FADS6: variants seen among roughly 807,000 people sequenced by gnomAD.
FADS6 encodes the protein fatty acid desaturase 6, also known as fatty acid desaturase domain family, member 6.
Under a neutral mutation model 31.7 loss-of-function variants are expected in FADS6, and 28 were observed. The ratio of observed to expected loss-of-function variants is 0.88; its 90% CI spans 0.66 to 1.21. FADS6 has a LOEUF of 1.21. Among genes scored for constraint, FADS6 ranks in the 50% most tolerant of loss-of-function variants. The pLI is 0.00. For synonymous variants in FADS6, 191 were observed against 213.1 expected (o/e 0.90, Z 0.90); for missense variants, 494 against 504.2 (o/e 0.98, Z 0.19).
intron 3 of FADS6, among the ~76,000 whole-genome samples, chr17:74,881,985 G>T (rs913632458): frequency 1.3e-5 from 2 of 151,872 alleles, no homozygotes; most frequent in African/African-American, 2.4e-5. Flanking sequence ...GCCCAAGCTG[G>T]AGTGCAATGG....
intron 2 of FADS6, among the ~76,000 whole-genome samples, chr17:74,885,296 A>G: frequency 1.6e-5 from 1 of 61,892 alleles, no homozygotes; most frequent in South Asian, 5.7e-4. Context: ...TTTTTTAAGA[A>G]AACCACAAAA....
intron 2 of FADS6, among the ~76,000 whole-genome samples, chr17:74,890,697 G>C (rs561648642): frequency 6.6e-6 from 1 of 152,108 alleles, no homozygotes; most frequent in Non-Finnish European, 1.5e-5. Flanking sequence ...CTGGGCTTAC[G>C]GGGACAAGAC....
chr17:74,891,112 A>ATTT lies in FADS6; in HGVS notation c.411+1408_411+1410dup, dbSNP rs72258963. Among the ~76,000 whole-genome samples the ATTT allele has an allele frequency of 6.0e-3, 742 of 123,098 alleles. 23 individuals are homozygous for ATTT. The highest frequency in any genetic ancestry group is 0.021 in the Admixed American group (244 of 11,550). The allele number at this position is 123,098 out of a possible 152,430, so 80.8% of individuals were successfully genotyped here. Reference sequence around the variant, plus strand: ...ACTCAGTACAGCTTTTTTCTTTTTGATTTTTTTTTTTTTTTTTTTGAGACA... The same window carrying ATTT: ...ACTCAGTACAGCTTTTTTCTTTTTGATTTTTTTTTTTTTTTTTTTTTTGAGACA... On this transcript the variant is annotated intron_variant, in intron 2 of 5. Transcript: ENST00000612771.
chr17:74,879,423 G>C lies in FADS6; in HGVS notation c.941C>G (p.Ser314Cys), dbSNP rs2038542765. The C allele has an allele frequency of 6.2e-7, 1 of 1,613,890 alleles. No homozygotes were observed. The highest frequency in any genetic ancestry group is 1.3e-5 in the African/African-American group (1 of 75,050). The part of the protein sequence containing the change: ...HVEHHLFPRL[S>C]DNMCLKVKPV... The stretch of plus-strand genomic sequence containing the variant: ...GACTACCTTCAGGCACATGTTATCA[G>C]AGAGCCTGGGGAATAGATGGTGTTC... The change falls in exon 5 of 6, where the codon TCT becomes TGT. Residue 314 changes from serine (S) to cysteine (C), a missense_variant. Coordinates refer to ENST00000612771, the MANE Select transcript of FADS6 (RefSeq NM_178128.6).
In FADS6 at chr17:74,879,385, C is replaced by A; in HGVS notation, c.960+19G>T. 1 of 1,610,692 alleles carries A rather than the reference C, an allele frequency of 6.2e-7. No homozygotes were observed. The highest frequency in any genetic ancestry group is 1.1e-5 in the South Asian group (1 of 90,818). On this transcript the variant is annotated intron_variant, in intron 5 of 5. Transcript: ENST00000612771. Reference sequence around the variant, plus strand: ...AACAGTCCCTTTATTCCAGCGCCCCCAGCCCAGCCCTCGACTACCTTCAGG... The same window carrying A: ...AACAGTCCCTTTATTCCAGCGCCCCAAGCCCAGCCCTCGACTACCTTCAGG...
chr17:74,888,167 C>T (rs965221894), intron 2 of FADS6, among the ~76,000 whole-genome samples: 2 of 145,362 alleles, frequency 1.4e-5, no homozygotes, highest in Non-Finnish European at 3.1e-5. Flanking sequence ...CGCGCGCGCG[C>T]GCGCGCAGAG....
chr17:74,874,955 C>G (rs2038497953), downstream of FADS6, among the ~76,000 whole-genome samples: 1 of 152,154 alleles, frequency 6.6e-6, no homozygotes. Flanking sequence ...TTTGACCACC[C>G]CTGCACTACA....
chr17:74,877,275 C>G (rs2038515348), downstream of FADS6: 1 of 152,118 alleles, frequency 6.6e-6, no homozygotes, highest in Non-Finnish European at 1.5e-5. Context: ...TTGAACTAGC[C>G]AAGGTCACAT....
rs690124 is a variant in FADS6 at position 74,878,123 on chromosome 17, A to C, written c.*208T>G. ...AATGCACAGCCACCATTACCGCTTC[A>C]CCCAGACACCCCTCAAAACCCAGAA... On this transcript the variant is annotated 3_prime_UTR_variant, in exon 6 of 6. Coordinates refer to ENST00000612771, the MANE Select transcript of FADS6 (RefSeq NM_178128.6). 0.81 allele frequency: 1,137,367 copies of C among 1,411,816 alleles called. 460,272 individuals are homozygous for C. Among genetic ancestry groups the C allele is most frequent in the African/African-American group, 0.89 (61,286 of 68,882 alleles). The allele number at this position is 1,411,816 out of a possible 1,614,324, so 87.5% of individuals were successfully genotyped here.
chr17:74,893,017 T>C (rs2038708791), intron 1 of FADS6, among the ~76,000 whole-genome samples: 1 of 151,530 alleles, frequency 6.6e-6, no homozygotes, highest in African/African-American at 2.4e-5. Flanking sequence ...CTCACCTAGG[T>C]CCCCAAAGAA....
chr17:74,878,527 G>C, intron 5 of FADS6, 50 bp from the exon 6 acceptor site: 1 of 1,597,704 alleles, frequency 6.3e-7, no homozygotes, highest in Middle Eastern at 1.7e-4. Context: ...CTGTGGGCAG[G>C]CCCATCATCC....
chr17:74,879,276 A>G (rs2038540551), intron 5 of FADS6, 128 bp downstream of exon 5: 1 of 1,182,078 alleles, frequency 8.5e-7, no homozygotes, highest in Non-Finnish European at 1.2e-6. Flanking sequence ...GGCTCAAGCA[A>G]TCTGCCCACC....
At chr17:74,885,733 C>A (rs114537578) in intron 2 of FADS6, among the ~76,000 whole-genome samples, 2,197 of 152,254 alleles carry the variant, frequency 0.014, 58 homozygotes, top group African/African-American at 0.05. Flanking sequence ...CCTGCCCATG[C>A]CAACACCTTC....
intron 5 of FADS6, chr17:74,879,119 G>A: frequency 2.9e-6 from 1 of 343,316 alleles, no homozygotes; most frequent in Non-Finnish European, 5.3e-6. Flanking sequence ...GTTCATTGCA[G>A]CCTCAACCTC....
chr17:74,883,966 C>T (rs955108629), intron 2 of FADS6, among the ~76,000 whole-genome samples: 2 of 152,218 alleles, frequency 1.3e-5, no homozygotes, highest in Admixed American at 6.5e-5. Flanking sequence ...CTGCGCCCAG[C>T]CCCATTTGTT....
chr17:74,882,632 G>C lies in FADS6; in HGVS notation c.490C>G (p.Leu164Val). The C allele has an allele frequency of 1.2e-6, 2 of 1,611,560 alleles. No individual in the cohort carries two copies. Among genetic ancestry groups the C allele is most frequent in the Non-Finnish European group, 1.7e-6 (2 of 1,179,004 alleles). ...MHHAYTNVVG[L>V]GDSSTWRLPC... ...AGCCTCCACGTGCTGGAGTCCCCCAGGCCCACCACGTTGGTGTAGGCATGG... is the reference window on the plus strand; with the variant it reads ...AGCCTCCACGTGCTGGAGTCCCCCACGCCCACCACGTTGGTGTAGGCATGG... The change falls in exon 3 of 6, where the codon CTG becomes GTG. Residue 164 changes from leucine to valine, a missense_variant. Transcript: ENST00000612771.
At chr17:74,892,814 CGGAGT>C in intron 1 of FADS6, 125 bp from the exon 2 acceptor site, 1 of 948,416 alleles carries the variant, frequency 1.1e-6, no homozygotes, top group South Asian at 1.7e-5. Context: ...TGCCACTGGC[CGGAGT>C]GAGGCAGGTC....
rs942818587 is a variant in FADS6 at position 74,878,258 on chromosome 17, C to A, written c.*73G>T. The A allele has an allele frequency of 7.9e-6, 12 of 1,520,174 alleles. No homozygotes were observed. Among genetic ancestry groups the A allele is most frequent in the Non-Finnish European group, 9.7e-6 (11 of 1,133,348 alleles). The allele number at this position is 1,520,174 out of a possible 1,614,324, so 94.2% of individuals were successfully genotyped here. On this transcript the variant is annotated 3_prime_UTR_variant, in exon 6 of 6. Coordinates refer to ENST00000612771, the MANE Select transcript of FADS6 (RefSeq NM_178128.6). Reference sequence around the variant, plus strand: ...CACCACCAGCCACTGAGCCACACCCCCTGGACCAGCAGCAGCAGGAGGGCC... The same window carrying A: ...CACCACCAGCCACTGAGCCACACCCACTGGACCAGCAGCAGCAGGAGGGCC...
chr17:74,893,335 G>A lies in FADS6; in HGVS notation c.244+17C>T, dbSNP rs2038712742. ...ACCCGCAGCCCGGCCGGGACGCCGG[G>A]TCCCCGCGTTCCTCACCTGCCGGCA... is the stretch of plus-strand genomic sequence containing the variant. On this transcript the variant is annotated intron_variant, in intron 1 of 5. Transcript: ENST00000612771. 2.0e-6 allele frequency: 3 copies of A among 1,507,592 alleles called. No homozygotes were observed. The highest frequency in any genetic ancestry group is 1.5e-5 in the African/African-American group (1 of 68,960). 93.4% of individuals were successfully genotyped at this position (1,507,592 alleles called of 1,614,324 possible).
Sources: allele counts gnomAD v4.1 joint callset (sites outside exome capture counted in the v4.1 genomes callset), GRCh38; gene constraint gnomAD v4.1.1; transcripts MANE v1.5; gene names NCBI Gene and HGNC (gene_info 2026-07-23, HGNC 2026-07-21).